The following PCYOX1 variants were observed in gnomAD, a reference collection of about 807,000 sequenced individuals.
The protein encoded by PCYOX1 is prenylcysteine lyase.
A neutral mutation model predicts 46.4 loss-of-function variants in PCYOX1; 46 were observed. The observed-to-expected ratio is 0.99, with a 90% CI of 0.78 to 1.27. PCYOX1 has a LOEUF of 1.27. Among genes scored for constraint, PCYOX1 ranks in the 50% most tolerant of loss-of-function variants. The pLI is 0.00. For synonymous variants in PCYOX1, 220 were observed against 231.8 expected, an observed-to-expected ratio of 0.95 and a Z score of 0.46; for missense variants, 658 against 628.3, an observed-to-expected ratio of 1.05 and a Z score of -0.51.
At chr2:70,268,595 C>G (rs906546913) in intron 3 of PCYOX1, among the ~76,000 whole-genome samples, 1 of 151,896 alleles carries the variant, frequency 6.6e-6, no homozygotes, top group African/African-American at 2.4e-5. Context: ...GTTGGGAGTT[C>G]GAGACCAGCC....
intron 1 of PCYOX1, among the ~76,000 whole-genome samples, chr2:70,258,899 G>T (rs1478738035): frequency 6.6e-6 from 1 of 152,184 alleles, no homozygotes; most frequent in African/African-American, 2.4e-5. Flanking sequence ...TTGGCTCTTT[G>T]CTTCCTGTCT....
At chr2:70,261,781 A>T (rs1033972095) in intron 3 of PCYOX1, among the ~76,000 whole-genome samples, 7 of 152,226 alleles carry the variant, frequency 4.6e-5, no homozygotes, top group African/African-American at 1.7e-4. Context: ...CCACCCAGGC[A>T]GTCTGGCCTT....
At position 70,276,098 on chromosome 2, in the gene PCYOX1, TAAAAA is replaced by T. The variant is rs568163191; in HGVS notation, c.859+452_859+456del. 4.7e-5 allele frequency among the ~76,000 whole-genome samples: 5 copies of T among 105,440 alleles called. No individual in the cohort carries two copies. The South Asian group carries it at 8.8e-4, about 19-fold the overall frequency. The allele number at this position is 105,440 out of a possible 152,430, so 69.2% of individuals were successfully genotyped here. On this transcript the variant is annotated intron_variant, in intron 5 of 5. Transcript: ENST00000433351. ...CTGGGTGACGGAGTGAGACTCCATC[TAAAAA>T]AAAAAAAAAAAAAAAAAAATTCCCC...
At position 70,274,939 on chromosome 2, in the gene PCYOX1, A is replaced by T; in HGVS notation, c.495-20A>T. 6.9e-7 allele frequency: 1 copy of T among 1,457,176 alleles called. No individual in the cohort carries two copies. Among genetic ancestry groups the T allele is most frequent in the Non-Finnish European group, 9.6e-7 (1 of 1,037,100 alleles). 90.3% of individuals were successfully genotyped at this position (1,457,176 alleles called of 1,614,324 possible). ...CCACATCTTGTTTGGTATTTAATGG[A>T]TTTCTCTTCTTTTCCAAAGGATCTA... On this transcript the variant is annotated intron_variant, in intron 3 of 5. Coordinates refer to ENST00000433351, the MANE Select transcript of PCYOX1 (RefSeq NM_016297.4).
intron 3 of PCYOX1, among the ~76,000 whole-genome samples, chr2:70,267,248 G>A (rs1216255226): frequency 6.6e-6 from 1 of 151,006 alleles, no homozygotes; most frequent in Non-Finnish European, 1.5e-5. Flanking sequence ...GGGCAGAGAC[G>A]CTCCTCACTT....
At chr2:70,275,886 G>C (rs1696664426) in intron 5 of PCYOX1, among the ~76,000 whole-genome samples, 1 of 152,050 alleles carries the variant, frequency 6.6e-6, no homozygotes, top group Non-Finnish European at 1.5e-5. Flanking sequence ...ATCACCTGAG[G>C]TCAGGAGATC....
At chr2:70,259,754 A>G (rs2104887734) in intron 2 of PCYOX1, among the ~76,000 whole-genome samples, 188 bp downstream of exon 2, 1 of 129,296 alleles carries the variant, frequency 7.7e-6, no homozygotes, top group Non-Finnish European at 1.6e-5. Flanking sequence ...ATGGGACACT[A>G]GTTGTCTGTA....
In PCYOX1 at chr2:70,279,769, C is replaced by T. The variant is rs538460033; in HGVS notation, c.*2377C>T. 273 of 141,506 alleles carry T rather than the reference C, an allele frequency of 1.9e-3. 1 individual carries two copies. Among genetic ancestry groups the T allele is most frequent in the South Asian group, 0.016 (72 of 4,388 alleles). The allele number at this position is 141,506 out of a possible 1,614,324, so 8.8% of individuals were successfully genotyped here. A position where few individuals can be genotyped will look rare whatever the true frequency, so the allele number is the denominator to read the frequency against. Reference sequence around the variant, plus strand: ...ACTGCACTCCAGCCTGGCAACAGAGCGAGACTCTGTCTCAGAAAAAAAAAA... The same window carrying T: ...ACTGCACTCCAGCCTGGCAACAGAGTGAGACTCTGTCTCAGAAAAAAAAAA... On this transcript the variant is annotated 3_prime_UTR_variant, in exon 6 of 6. Coordinates refer to ENST00000433351, the MANE Select transcript of PCYOX1 (RefSeq NM_016297.4).
intron 3 of PCYOX1, among the ~76,000 whole-genome samples, chr2:70,265,120 A>G (rs1249981292): frequency 1.3e-5 from 2 of 151,912 alleles, no homozygotes; most frequent in African/African-American, 2.4e-5. Context: ...AGCCCCTGAC[A>G]TCAGCACTAG....
At chr2:70,261,558 G>C (rs562037732) in intron 3 of PCYOX1, among the ~76,000 whole-genome samples, 172 bp downstream of exon 3, 6 of 152,316 alleles carry the variant, frequency 3.9e-5, no homozygotes, top group African/African-American at 1.4e-4. Flanking sequence ...TATTTGCTTG[G>C]ATATTGAAAG....
In PCYOX1 at chr2:70,280,305, A is replaced by G. The variant is rs1462973539; in HGVS notation, c.*2913A>G. ...TGGGCGCATTAGGTAGTTTTATGCAACTATAGTATTAAGAGTTTTATTGGA... is the reference window on the plus strand; with the variant it reads ...TGGGCGCATTAGGTAGTTTTATGCAGCTATAGTATTAAGAGTTTTATTGGA... On this transcript the variant is annotated 3_prime_UTR_variant, in exon 6 of 6. Transcript: ENST00000433351. 1 of 152,178 alleles carries G rather than the reference A, an allele frequency of 6.6e-6. No individual in the cohort carries two copies. The highest frequency in any genetic ancestry group is 2.4e-5 in the African/African-American group (1 of 41,434). The allele number at this position is 152,178 out of a possible 1,614,324, so 9.4% of individuals were successfully genotyped here. A position where few individuals can be genotyped will look rare whatever the true frequency, so the allele number is the denominator to read the frequency against.
intron 3 of PCYOX1, among the ~76,000 whole-genome samples, chr2:70,268,047 G>A (rs1258662111): frequency 2.0e-5 from 3 of 151,986 alleles, no homozygotes; most frequent in Admixed American, 2.0e-4. Context: ...CTGACCTCGT[G>A]ATCCACCCGC....
intron 3 of PCYOX1, among the ~76,000 whole-genome samples, chr2:70,266,560 G>A (rs1297025495): frequency 1.3e-5 from 2 of 151,948 alleles, no homozygotes; most frequent in Admixed American, 6.6e-5. Flanking sequence ...GAAGGTCAGC[G>A]GATAAACATG....
Position 70,277,168 on chromosome 2 carries a change from C to T in PCYOX1, c.1294C>T (p.Pro432Ser). 1.9e-6 allele frequency: 3 copies of T among 1,614,044 alleles called. No homozygotes were observed. The highest frequency in any genetic ancestry group is 2.7e-5 in the African/African-American group (2 of 75,030). Reference protein sequence around the residue: ...FLSYDYAVKKPWLAYPHYKPP... With the variant: ...FLSYDYAVKKSWLAYPHYKPP... Reference sequence around the variant, plus strand: ...GTCCTATGATTATGCTGTGAAGAAGCCATGGCTTGCATATCCTCACTATAA... The same window carrying T: ...GTCCTATGATTATGCTGTGAAGAAGTCATGGCTTGCATATCCTCACTATAA... Residue 432 changes from proline to serine, a missense_variant, in exon 6 of 6, where the codon CCA becomes TCA. By Grantham distance (74) the Pro-to-Ser change is moderately conservative (BLOSUM62 -1). Transcript: ENST00000433351.
At chr2:70,263,680 GAT>G (rs1696472371) in intron 3 of PCYOX1, among the ~76,000 whole-genome samples, 1 of 150,644 alleles carries the variant, frequency 6.6e-6, no homozygotes, top group Non-Finnish European at 1.5e-5. Flanking sequence ...TTTTTTTTGA[GAT>G]AGAGTCTCGT....
intron 3 of PCYOX1, among the ~76,000 whole-genome samples, chr2:70,266,890 G>A (rs1009157065): frequency 2.0e-5 from 3 of 152,128 alleles, no homozygotes; most frequent in Admixed American, 2.0e-4. Context: ...GTAACAATCC[G>A]ATCTCTCCTT....
intron 3 of PCYOX1, among the ~76,000 whole-genome samples, chr2:70,273,104 A>T (rs1696624221): frequency 6.6e-6 from 1 of 152,150 alleles, no homozygotes; most frequent in Admixed American, 6.6e-5. Context: ...GCCCCCTCCC[A>T]GGGAGACTTG....
Position 70,277,214 on chromosome 2 carries a change from C to T in PCYOX1, c.1340C>T (p.Ser447Phe). 1 of 1,614,124 alleles carries T rather than the reference C, an allele frequency of 6.2e-7. No homozygotes were observed. Among genetic ancestry groups the T allele is most frequent in the South Asian group, 1.1e-5 (1 of 91,092 alleles). The change falls in exon 6 of 6, where the codon TCT becomes TTT. Residue 447 changes from serine (S) to phenylalanine (F), a missense_variant. Transcript: ENST00000433351. Reference sequence around the variant, plus strand: ...TATAAGCCCCCGGAGAAATGCCCCTCTATCATTCTCCATGATCGACTTTAT... The same window carrying T: ...TATAAGCCCCCGGAGAAATGCCCCTTTATCATTCTCCATGATCGACTTTAT... ...PHYKPPEKCP[S>F]IILHDRLYYL...
chr2:70,258,126 G>A, upstream of PCYOX1: 2 of 1,500,088 alleles, frequency 1.3e-6, no homozygotes, highest in Non-Finnish European at 1.8e-6. Flanking sequence ...TGGGAGGACT[G>A]CGGGGCTCTT....
Sources: gnomAD v4.1 joint callset for allele counts (sites outside exome capture counted in the v4.1 genomes callset) on GRCh38, gnomAD v4.1.1 for gene constraint, MANE v1.5 for transcripts, NCBI Gene and HGNC (gene_info 2026-07-23, HGNC 2026-07-21) for gene names.